The following CDH10 variants were observed in gnomAD, a reference collection of about 807,000 sequenced individuals.
CDH10 encodes cadherin-10.
CDH10 carries 30 observed loss-of-function variants against 73.1 expected under a neutral mutation model. The observed-to-expected ratio is 0.41, with a 90% CI of 0.31 to 0.56. The LOEUF is 0.56. Among genes scored for constraint, CDH10 ranks in the 20% least tolerant of loss-of-function variants. The pLI, the probability that CDH10 is intolerant of heterozygous loss-of-function variation, is 0.27. For synonymous variants in CDH10, 345 were observed against 348.2 expected, an observed-to-expected ratio of 0.99 and a Z score of 0.10; for missense variants, 815 against 973.7, an observed-to-expected ratio of 0.84 and a Z score of 2.17.
At chr5:24,548,757 A>C (rs1744437807) in intron 2 of CDH10, among the ~76,000 whole-genome samples, 1 of 152,136 alleles carries the variant, frequency 6.6e-6, no homozygotes, top group Admixed American at 6.5e-5. Flanking sequence ...AGTAAAAAAT[A>C]CCTCACTCTG....
chr5:24,637,740 T>C (rs1317745122), intron 1 of CDH10, among the ~76,000 whole-genome samples: 6 of 151,878 alleles, frequency 4.0e-5, no homozygotes, highest in African/African-American at 7.2e-5. Context: ...CAACATATGA[T>C]AGCCTAAAAT....
At chr5:24,498,604 G>A (rs1209118139) in intron 8 of CDH10, 85 bp from the exon 9 acceptor site, 1 of 838,066 alleles carries the variant, frequency 1.2e-6, no homozygotes, top group African/African-American at 1.7e-5. Context: ...TGGGTATGAA[G>A]TGCTCACATA....
intron 1 of CDH10, among the ~76,000 whole-genome samples, chr5:24,632,951 A>G (rs1251967813): frequency 2.6e-5 from 4 of 151,906 alleles, no homozygotes; most frequent in Non-Finnish European, 4.4e-5. Context: ...AGGATGTAAC[A>G]TAAATGTATC....
chr5:24,534,544 A>T (rs1018338931), intron 5 of CDH10, among the ~76,000 whole-genome samples: 6 of 152,126 alleles, frequency 3.9e-5, no homozygotes, highest in Admixed American at 2.0e-4. Flanking sequence ...AGGTCAGTTC[A>T]AAATAGATCT....
chr5:24,633,073 A>T lies in CDH10; in HGVS notation c.-124+11521T>A, dbSNP rs536769153. Among the ~76,000 whole-genome samples the T allele has an allele frequency of 1.9e-4, 28 of 151,064 alleles. No homozygotes were observed. The South Asian group carries it at 4.4e-3, about 24-fold the overall frequency. On this transcript the variant is annotated intron_variant, in intron 1 of 11. Coordinates refer to ENST00000264463, the MANE Select transcript of CDH10 (RefSeq NM_006727.5). Reference sequence around the variant, plus strand: ...TATGAGCTATATACAAAGACAATTTATTTTGATCAAATTTATTCATGTTTA... The same window carrying T: ...TATGAGCTATATACAAAGACAATTTTTTTTGATCAAATTTATTCATGTTTA...
intron 2 of CDH10, among the ~76,000 whole-genome samples, chr5:24,592,029 T>C (rs1292731571): frequency 6.6e-6 from 1 of 151,852 alleles, no homozygotes; most frequent in Non-Finnish European, 1.5e-5. Context: ...ATCAATAAGA[T>C]CTATGAAAAG....
intron 5 of CDH10, among the ~76,000 whole-genome samples, chr5:24,514,442 C>T (rs1019552248): frequency 2.0e-5 from 3 of 152,136 alleles, no homozygotes; most frequent in Admixed American, 6.5e-5. Flanking sequence ...GAAAGATTTT[C>T]GACACAACTC....
intron 2 of CDH10, among the ~76,000 whole-genome samples, chr5:24,565,342 T>C (rs1456940833): frequency 6.6e-6 from 1 of 152,102 alleles, no homozygotes; most frequent in Admixed American, 6.6e-5. Flanking sequence ...AAAATATAAA[T>C]TTCTATGTAC....
chr5:24,605,154 G>A (rs1009976909), intron 1 of CDH10, among the ~76,000 whole-genome samples: 8 of 152,158 alleles, frequency 5.3e-5, no homozygotes, highest in Non-Finnish European at 7.4e-5. Flanking sequence ...AATGAAGACC[G>A]CAATGCACAC....
intron 1 of CDH10, among the ~76,000 whole-genome samples, chr5:24,608,823 G>A (rs1369943511): frequency 1.3e-5 from 2 of 152,124 alleles, no homozygotes; most frequent in Non-Finnish European, 2.9e-5. Context: ...TTTCGTCAGG[G>A]TGAAATAGAT....
chr5:24,535,682 C>G lies in CDH10; in HGVS notation c.646+21G>C, dbSNP rs373867251. 15 of 1,596,616 alleles carry G rather than the reference C, an allele frequency of 9.4e-6. No homozygotes were observed. The Admixed American group carries it at 1.8e-4, about 19-fold the overall frequency. ...TCATAAAGATGATCAAATGAACAAA[C>G]AGCAATTCATGATTCCTGACCTGTT... is the stretch of plus-strand genomic sequence containing the variant. On this transcript the variant is annotated intron_variant, in intron 4 of 11. Coordinates refer to ENST00000264463, the MANE Select transcript of CDH10 (RefSeq NM_006727.5).
chr5:24,532,294 C>G (rs1743781740), intron 5 of CDH10, among the ~76,000 whole-genome samples: 1 of 151,910 alleles, frequency 6.6e-6, no homozygotes, highest in African/African-American at 2.4e-5. Flanking sequence ...TAGCATTAGT[C>G]AACATTATTG....
chr5:24,600,985 T>C (rs1426336132), intron 1 of CDH10, among the ~76,000 whole-genome samples: 2 of 151,984 alleles, frequency 1.3e-5, no homozygotes, highest in East Asian at 3.9e-4. Flanking sequence ...ATGTGGCTTT[T>C]TTTTTCTTAA....
At position 24,497,919 on chromosome 5, in the gene CDH10, G is replaced by A. The variant is rs1742350778; in HGVS notation, c.1515+479C>T. Among the ~76,000 whole-genome samples, 2 of 152,190 alleles carry A rather than the reference G, an allele frequency of 1.3e-5. 1 individual carries two copies. The highest frequency in any genetic ancestry group is 4.1e-4 in the South Asian group (2 of 4,832). On this transcript the variant is annotated intron_variant, in intron 9 of 11. Transcript: ENST00000264463. ...CTGCTGTAATGATGAAATGCAATAT[G>A]TAAGTCTAAGGAGGAAATTCTGCTG...
In CDH10 at chr5:24,624,500, GTCCTAGAAAGTT is replaced by G. The variant is rs1415864487; in HGVS notation, c.-124+20082_-124+20093del. On this transcript the variant is annotated intron_variant, in intron 1 of 11. Coordinates refer to ENST00000264463, the MANE Select transcript of CDH10 (RefSeq NM_006727.5). ...ACACACTGGGTATGGTGATCTCTAG[GTCCTAGAAAGTT>G]TCCGTGTCAGAATATGAAATTGCAT... Among the ~76,000 whole-genome samples the G allele has an allele frequency of 3.9e-5, 6 of 152,048 alleles. No individual in the cohort carries two copies. In the South Asian group the frequency reaches 1.0e-3, roughly 26 times the overall value.
At chr5:24,519,503 T>C (rs1397664433) in intron 5 of CDH10, among the ~76,000 whole-genome samples, 1 of 152,048 alleles carries the variant, frequency 6.6e-6, no homozygotes, top group African/African-American at 2.4e-5. Flanking sequence ...TAAAGATCCC[T>C]AAGAAAAGGC....
chr5:24,503,799 TTC>T (rs1438355274), intron 8 of CDH10, among the ~76,000 whole-genome samples: 9 of 152,118 alleles, frequency 5.9e-5, no homozygotes, highest in Non-Finnish European at 1.0e-4. Flanking sequence ...AGAAAATAAA[TTC>T]TTTTTTTTAG....
chr5:24,517,489 C>A (rs6452212), intron 5 of CDH10, among the ~76,000 whole-genome samples: 72,697 of 151,890 alleles, frequency 0.48, 17,499 homozygotes, highest in East Asian at 0.58. Context: ...ACAAAGAAAC[C>A]AATTGTTGCC....
At chr5:24,532,658 T>A (rs1353763600) in intron 5 of CDH10, among the ~76,000 whole-genome samples, 1 of 152,156 alleles carries the variant, frequency 6.6e-6, no homozygotes, top group South Asian at 2.1e-4. Flanking sequence ...TAAAAAAATT[T>A]AAAATATTTG....
Sources: allele counts gnomAD v4.1 joint callset (sites outside exome capture counted in the v4.1 genomes callset), GRCh38; gene constraint gnomAD v4.1.1; transcripts MANE v1.5; gene names NCBI Gene and HGNC (gene_info 2026-07-23, HGNC 2026-07-21).